MCM3AP: variants seen among roughly 807,000 people sequenced by gnomAD.
MCM3AP encodes the protein germinal-center associated nuclear protein.
MCM3AP carries 126 observed loss-of-function variants against 184.1 expected under a neutral mutation model. The ratio of observed to expected loss-of-function variants is 0.68; its 90% CI spans 0.59 to 0.79. The LOEUF (loss-of-function observed/expected upper bound fraction) is 0.79. Among genes scored for constraint, MCM3AP ranks in the 30% least tolerant of loss-of-function variants. MCM3AP has a pLI of 0.00. For synonymous variants in MCM3AP, 1,002 were observed against 979.3 expected (o/e 1.02, Z -0.43); for missense variants, 2,496 against 2,479.2 (o/e 1.01, Z -0.14).
chr21:46,284,467 A>AC lies in MCM3AP; in HGVS notation c.819dup (p.Cys274ValfsTer2), dbSNP rs1569085428. On this transcript the variant is annotated frameshift_variant, in exon 1 of 28. Coordinates refer to ENST00000291688, the MANE Select transcript of MCM3AP (RefSeq NM_003906.5). LOFTEE classifies it high-confidence loss of function. ...TCCACCTGGGAAACAGCTTCTTCAC[A>AC]CCCCTGCCTGACACCTGCTTTGCTA... 12 of 1,613,900 alleles carry AC rather than the reference A, an allele frequency of 7.4e-6. No individual in the cohort carries two copies. Among genetic ancestry groups the AC allele is most frequent in the Non-Finnish European group, 1.0e-5 (12 of 1,179,988 alleles).
intron 15 of MCM3AP, among the ~76,000 whole-genome samples, chr21:46,259,740 G>A (rs1415580365): frequency 4.6e-5 from 7 of 151,902 alleles, no homozygotes; most frequent in East Asian, 3.9e-4. Context: ...GTGAAACCCC[G>A]TCTCTACTAA....
At chr21:46,244,296 C>T (rs564476406) in intron 23 of MCM3AP, among the ~76,000 whole-genome samples, 3 of 152,380 alleles carry the variant, frequency 2.0e-5, no homozygotes, top group East Asian at 3.9e-4. Flanking sequence ...GATGGCCTGT[C>T]GGATCTGTGT....
In MCM3AP at chr21:46,283,677, T is replaced by C. The variant is rs374894216; in HGVS notation, c.1381A>G (p.Lys461Glu). ...ILENHFGKIA[K>E]VQRIFTRRSK... ...CGCCTGGTAAAGATGCGCTGCACTT[T>C]AGCAATTTTGCCAAAATGGTTCTCC... is the stretch of plus-strand genomic sequence containing the variant. Residue 461 changes from lysine (K) to glutamate (E), a missense_variant, in exon 2 of 28, where the codon AAA becomes GAA. Physicochemically the swap from Lys to Glu is moderately conservative, Grantham distance 56 (BLOSUM62 1). Transcript: ENST00000291688. 51 of 1,614,202 alleles carry C rather than the reference T, an allele frequency of 3.2e-5. No individual in the cohort carries two copies. The highest frequency in any genetic ancestry group is 1.6e-4 in the Middle Eastern group (1 of 6,062).
chr21:46,272,047 G>A (rs910363249), intron 8 of MCM3AP, among the ~76,000 whole-genome samples: 1 of 151,872 alleles, frequency 6.6e-6, no homozygotes, highest in Non-Finnish European at 1.5e-5. Flanking sequence ...CACAAGCAGA[G>A]GGCCAGAGAG....
At chr21:46,283,950 T>C (rs933190425) in intron 1 of MCM3AP, 112 bp from the exon 2 acceptor site, 61 of 1,540,872 alleles carry the variant, frequency 4.0e-5, no homozygotes, top group Non-Finnish European at 5.0e-5. Flanking sequence ...TCCGATGACA[T>C]GTTAGAATCC....
At chr21:46,246,198 C>T in intron 22 of MCM3AP, 109 bp downstream of exon 22, 1 of 698,296 alleles carries the variant, frequency 1.4e-6, no homozygotes, top group Non-Finnish European at 2.5e-6. Flanking sequence ...AAAACCCTGT[C>T]TCTTAAGAAA....
rs1246802522 is a variant in MCM3AP, at chr21:46,244,725, T to A, written c.5038+82A>T. The A allele has an allele frequency of 2.1e-6, 3 of 1,462,802 alleles. No individual in the cohort carries two copies. The Admixed American group carries it at 6.3e-5, about 31-fold the overall frequency. The allele number at this position is 1,462,802 out of a possible 1,614,324, so 90.6% of individuals were successfully genotyped here. On this transcript the variant is annotated intron_variant, in intron 23 of 27. Transcript: ENST00000291688. ...AGCCCTCACACTGGTGCCCAACACC[T>A]GCCAGACGGTTACTACAGTGAGAAG...
At chr21:46,256,653 G>C in intron 17 of MCM3AP, 136 bp downstream of exon 17, 1 of 1,096,876 alleles carries the variant, frequency 9.1e-7, no homozygotes, top group Non-Finnish European at 1.3e-6. Context: ...GCCTGTCCTC[G>C]CCTCCAGGCT....
Position 46,237,439 on chromosome 21 carries a change from C to T in MCM3AP, c.5634-460G>A, listed in dbSNP as rs573905836. ...TATTTTTTTTTGACAAGGTCTCGCT[C>T]TGTTGGCCAGGCCGGAGTGCAGTGT... On this transcript the variant is annotated intron_variant, in intron 26 of 27. Transcript: ENST00000291688. Among the ~76,000 whole-genome samples the T allele has an allele frequency of 6.8e-3, 352 of 51,954 alleles. 85 individuals carry two copies. The highest frequency in any genetic ancestry group is 0.03 in the African/African-American group (336 of 11,224). 34.1% of individuals were successfully genotyped at this position (51,954 alleles called of 152,430 possible). A position where few individuals can be genotyped will look rare whatever the true frequency, so the allele number is the denominator to read the frequency against.
chr21:46,236,829 CT>C lies in MCM3AP; in HGVS notation c.5783del (p.Gln1928ArgfsTer4). 6.5e-7 allele frequency: 1 copy of C among 1,544,252 alleles called. No individual in the cohort carries two copies. Among genetic ancestry groups the C allele is most frequent in the Non-Finnish European group, 8.7e-7 (1 of 1,153,352 alleles). ...TGCCAAATGTATACGTTCTTCTCAC[CT>C]GTGGGCTAGTAGTTACAGATGTTTT... is the stretch of plus-strand genomic sequence containing the variant. ...VMKTSVTTSP[Q>X]SDMMREQLQL... On this transcript the variant is annotated frameshift_variant and splice_region_variant, in exon 27 of 28. Coordinates refer to ENST00000291688, the MANE Select transcript of MCM3AP (RefSeq NM_003906.5). LOFTEE classifies it low-confidence loss of function (END_TRUNC).
At chr21:46,282,336 G>A (rs892555484) in intron 2 of MCM3AP, among the ~76,000 whole-genome samples, 2 of 152,020 alleles carry the variant, frequency 1.3e-5, no homozygotes, top group South Asian at 2.1e-4. Context: ...GCCAACAGAC[G>A]AATCAACAAA....
At chr21:46,237,440 T>TTA (rs1359432449) in intron 26 of MCM3AP, among the ~76,000 whole-genome samples, 11 of 125,688 alleles carry the variant, frequency 8.8e-5, no homozygotes, top group East Asian at 4.3e-4. Context: ...GGTCTCGCTC[T>TTA]GTTGGCCAGG....
intron 20 of MCM3AP, 29 bp from the exon 21 acceptor site, chr21:46,246,915 GATGCACC>G: frequency 6.2e-7 from 1 of 1,608,888 alleles, no homozygotes; most frequent in Non-Finnish European, 8.5e-7. Flanking sequence ...CATCAGGAGA[GATGCACC>G]ATGGGACGCA....
At chr21:46,246,136 G>A (rs1601492807) in intron 22 of MCM3AP, among the ~76,000 whole-genome samples, 171 bp downstream of exon 22, 1 of 152,200 alleles carries the variant, frequency 6.6e-6, no homozygotes, top group African/African-American at 2.4e-5. Flanking sequence ...CATGAGCCCT[G>A]TAGTTTGAGG....
intron 5 of MCM3AP, among the ~76,000 whole-genome samples, chr21:46,277,223 G>A (rs1302626448): frequency 1.3e-5 from 2 of 152,182 alleles, no homozygotes; most frequent in Non-Finnish European, 2.9e-5. Context: ...CCAAGACGGA[G>A]CACTCCACCA....
chr21:46,280,781 T>C (rs1331969776), intron 2 of MCM3AP, among the ~76,000 whole-genome samples: 1 of 151,456 alleles, frequency 6.6e-6, no homozygotes, highest in Non-Finnish European at 1.5e-5. Flanking sequence ...CTCCCTTACC[T>C]GTCTCACAAG....
chr21:46,247,022 C>T (rs947835314), intron 20 of MCM3AP, 136 bp from the exon 21 acceptor site: 1 of 771,128 alleles, frequency 1.3e-6, no homozygotes. Flanking sequence ...CCTCCAAGGG[C>T]ACAGCTGGGC....
chr21:46,254,152 C>A, intron 19 of MCM3AP: 1 of 551,464 alleles, frequency 1.8e-6, no homozygotes, highest in East Asian at 3.1e-5. Flanking sequence ...TCAGATATTT[C>A]TTTAAAGCAG....
At chr21:46,236,146 G>A (rs1271648434) in intron 27 of MCM3AP, 1 of 152,200 alleles carries the variant, frequency 6.6e-6, no homozygotes, top group Admixed American at 6.5e-5. Flanking sequence ...CAAAGGGTAT[G>A]AATATTTTTA....
Sources: allele counts gnomAD v4.1 joint callset (sites outside exome capture counted in the v4.1 genomes callset), GRCh38; gene constraint gnomAD v4.1.1; transcripts MANE v1.5; gene names NCBI Gene and HGNC (gene_info 2026-07-23, HGNC 2026-07-21).